Variants in PLXNA4 observed in about 807,000 individuals in gnomAD.
PLXNA4 encodes plexin A4, also known as plexin-A4.
Under a neutral mutation model 191.8 loss-of-function variants are expected in PLXNA4, and 44 were observed. The ratio of observed to expected loss-of-function variants is 0.23; its 90% confidence interval spans 0.18 to 0.29. PLXNA4 has a LOEUF of 0.29. Ranked by LOEUF, PLXNA4 falls within the 10% of genes least tolerant of loss-of-function variation. PLXNA4 has a pLI of 1.00. For missense variants in PLXNA4, 1,800 were observed against 2,488.8 expected (o/e 0.72, Z 5.89); for synonymous variants, 1,082 against 1,009.5 (o/e 1.07, Z -1.36).
chr7:132,386,925 A>T (rs1172945897), intron 3 of PLXNA4, among the ~76,000 whole-genome samples: 1 of 152,230 alleles, frequency 6.6e-6, no homozygotes, highest in Non-Finnish European at 1.5e-5. Context: ...AAAATTTCCC[A>T]TCTACTGTAG....
intron 3 of PLXNA4, among the ~76,000 whole-genome samples, chr7:132,303,604 C>T (rs1421128153): frequency 1.3e-5 from 2 of 152,108 alleles, no homozygotes; most frequent in South Asian, 2.1e-4. Context: ...TCACAGGTCA[C>T]GAAGGTACTT....
At chr7:132,460,095 G>A (rs986658033) in intron 3 of PLXNA4, among the ~76,000 whole-genome samples, 5 of 152,076 alleles carry the variant, frequency 3.3e-5, no homozygotes, top group Non-Finnish European at 7.4e-5. Flanking sequence ...GGCTCACTCC[G>A]GTAATCCCAG....
At chr7:132,386,227 A>G (rs1365622663) in intron 3 of PLXNA4, among the ~76,000 whole-genome samples, 1 of 152,200 alleles carries the variant, frequency 6.6e-6, no homozygotes, top group Non-Finnish European at 1.5e-5. Context: ...CTGTGTCCCC[A>G]GAGTCATCCC....
chr7:132,314,475 C>G (rs775875830), intron 3 of PLXNA4, among the ~76,000 whole-genome samples: 4 of 152,136 alleles, frequency 2.6e-5, no homozygotes, highest in Non-Finnish European at 5.9e-5. Flanking sequence ...ACCGGGGGTG[C>G]TGGTTCCCTT....
intron 3 of PLXNA4, among the ~76,000 whole-genome samples, chr7:132,329,478 G>A (rs1802505792): frequency 6.6e-6 from 1 of 152,184 alleles, no homozygotes; most frequent in Admixed American, 6.5e-5. Flanking sequence ...CAGGGCCCCA[G>A]GGGTCCAGTG....
intron 3 of PLXNA4, among the ~76,000 whole-genome samples, chr7:132,458,220 C>G (rs156943): frequency 0.11 from 16,765 of 151,780 alleles, 1,311 homozygotes; most frequent in African/African-American, 0.2. Flanking sequence ...CCTACTAGAA[C>G]CAAAAAGTTC....
At chr7:132,338,497 G>A (rs1269084141) in intron 3 of PLXNA4, among the ~76,000 whole-genome samples, 1 of 152,234 alleles carries the variant, frequency 6.6e-6, no homozygotes, top group African/African-American at 2.4e-5. Flanking sequence ...GTAAAAATGA[G>A]TTGTTCCACA....
chr7:132,300,847 G>A (rs756390789), intron 3 of PLXNA4, among the ~76,000 whole-genome samples: 27 of 152,340 alleles, frequency 1.8e-4, no homozygotes, highest in African/African-American at 5.8e-4. Context: ...GAGTGCTGGC[G>A]GAACTAAGCT....
chr7:132,224,226 A>G (rs1252681014), intron 8 of PLXNA4, among the ~76,000 whole-genome samples: 2 of 152,166 alleles, frequency 1.3e-5, no homozygotes, highest in Non-Finnish European at 2.9e-5. Context: ...CTCTCCATAC[A>G]GGCTATGCCC....
chr7:132,454,378 A>G (rs1421806214), intron 3 of PLXNA4, among the ~76,000 whole-genome samples: 6 of 152,182 alleles, frequency 3.9e-5, no homozygotes, highest in African/African-American at 1.4e-4. Flanking sequence ...GTTAATTTGC[A>G]AACCACAAAG....
rs190123914 is a variant in PLXNA4 at position 132,510,873 on chromosome 7, T to C, written c.-86-2094A>G. On this transcript the variant is annotated intron_variant, in intron 1 of 31. Coordinates refer to ENST00000321063, the MANE Select transcript of PLXNA4 (RefSeq NM_020911.2). ...GTTCATGAATGAATCAGGTGGAAGA[T>C]GAGGCTGAAAAGAGAGAGCTTCAGC... 4.3e-3 allele frequency among the ~76,000 whole-genome samples: 656 copies of C among 152,314 alleles called. 2 individuals carry two copies. Among genetic ancestry groups the C allele is most frequent in the Middle Eastern group, 0.037 (11 of 294 alleles).
Position 132,125,325 on chromosome 7 carries a change from T to C in PLXNA4, c.*5154A>G, listed in dbSNP as rs994416673. On this transcript the variant is annotated 3_prime_UTR_variant, in exon 32 of 32. Transcript: ENST00000321063. ...GGAGAAGGACTCCATCTGTCAAAAG[T>C]GTGGGGAAGCACCAGGAATAGCAGC... 2 of 151,964 alleles carry C rather than the reference T, an allele frequency of 1.3e-5. No homozygotes were observed. The highest frequency in any genetic ancestry group is 2.4e-5 in the African/African-American group (1 of 41,370). The allele number at this position is 151,964 out of a possible 1,614,324, so 9.4% of individuals were successfully genotyped here. A position where few individuals can be genotyped will look rare whatever the true frequency, so the allele number is the denominator to read the frequency against.
intron 14 of PLXNA4, among the ~76,000 whole-genome samples, chr7:132,192,173 A>G (rs1169568139): frequency 6.6e-6 from 1 of 152,160 alleles, no homozygotes. Flanking sequence ...GGCCCTGACC[A>G]TGTTCAAGTC....
chr7:132,620,206 C>T (rs1481181168), intron 2 of PLXNA4, among the ~76,000 whole-genome samples: 1 of 152,168 alleles, frequency 6.6e-6, no homozygotes, highest in Non-Finnish European at 1.5e-5. Context: ...TCAGTATGCA[C>T]GTTCTCATAA....
Position 132,246,113 on chromosome 7 carries a change from T to C in PLXNA4, c.1504-4947A>G, listed in dbSNP as rs192587407. Among the ~76,000 whole-genome samples, 18 of 152,338 alleles carry C rather than the reference T, an allele frequency of 1.2e-4. No individual in the cohort carries two copies. The East Asian group carries it at 3.5e-3, about 29-fold the overall frequency. ...GTGTATTTTACCACAATAAAAGAGT[T>C]GAAATAATCCTTTTGAGTGGACTTG... On this transcript the variant is annotated intron_variant, in intron 4 of 31. Coordinates refer to ENST00000321063, the MANE Select transcript of PLXNA4 (RefSeq NM_020911.2).
At chr7:132,624,441 G>C (rs1320505886) in intron 2 of PLXNA4, among the ~76,000 whole-genome samples, 2 of 152,156 alleles carry the variant, frequency 1.3e-5, no homozygotes, top group Non-Finnish European at 2.9e-5. Context: ...ATAGATCACA[G>C]AGCCCATGCC....
At chr7:132,377,218 C>A (rs542990980) in intron 3 of PLXNA4, among the ~76,000 whole-genome samples, 1 of 152,054 alleles carries the variant, frequency 6.6e-6, no homozygotes, top group East Asian at 1.9e-4. Flanking sequence ...TTGGAAAAAA[C>A]CCAGATTCCC....
At chr7:132,600,551 G>A (rs781191597) in intron 2 of PLXNA4, among the ~76,000 whole-genome samples, 1 of 151,974 alleles carries the variant, frequency 6.6e-6, no homozygotes, top group African/African-American at 2.4e-5. Flanking sequence ...TTTTTGTAGA[G>A]ACAAGATCTT....
intron 3 of PLXNA4, among the ~76,000 whole-genome samples, chr7:132,306,390 T>C (rs959444077): frequency 2.0e-5 from 3 of 152,110 alleles, no homozygotes; most frequent in Non-Finnish European, 4.4e-5. Flanking sequence ...CCTGAGTCTC[T>C]CTCCTGGCTC....
Sources: allele counts gnomAD v4.1 joint callset (sites outside exome capture counted in the v4.1 genomes callset), GRCh38; gene constraint gnomAD v4.1.1; transcripts MANE v1.5; gene names NCBI Gene and HGNC (gene_info 2026-07-23, HGNC 2026-07-21).